The following FGF8 variants were observed in gnomAD, a reference collection of about 807,000 sequenced individuals.
FGF8 encodes androgen-induced growth factor.
A neutral mutation model predicts 29.7 loss-of-function variants in FGF8; 12 were observed. The ratio of observed to expected loss-of-function variants is 0.40; its 90% CI spans 0.26 to 0.65. The LOEUF is 0.65. Ranked by LOEUF, FGF8 falls within the 30% of genes least tolerant of loss-of-function variation. The pLI is 0.37. For synonymous variants in FGF8, 157 were observed against 144.4 expected, an observed-to-expected ratio of 1.09 and a Z score of -0.63; for missense variants, 271 against 345.1, an observed-to-expected ratio of 0.79 and a Z score of 1.70.
chr10:101,772,622 C>T lies in FGF8; in HGVS notation c.338-1053G>A, dbSNP rs890549014. Reference sequence around the variant, plus strand: ...TGCCGTCCCTGCCGCAGAGCCCAGCCTCTCCCCTCCCTGAGAAAGCAGTTC... The same window carrying T: ...TGCCGTCCCTGCCGCAGAGCCCAGCTTCTCCCCTCCCTGAGAAAGCAGTTC... On this transcript the variant is annotated intron_variant, in intron 4 of 5. Coordinates refer to ENST00000320185, the MANE Select transcript of FGF8 (RefSeq NM_033163.5). The surrounding 1 kb of genome is among the most constrained non-coding windows in gnomAD (Gnocchi z 4.4). Among the ~76,000 whole-genome samples, 1 of 152,210 alleles carries T rather than the reference C, an allele frequency of 6.6e-6. No homozygotes were observed. The highest frequency in any genetic ancestry group is 1.5e-5 in the Non-Finnish European group (1 of 68,038).
At chr10:101,776,192 G>A (rs1214747182), upstream of FGF8, 3 of 119,644 alleles carry the variant, frequency 2.5e-5, no homozygotes, top group African/African-American at 9.5e-5. Flanking sequence ...GAGGGGTGGG[G>A]GCGGGGGGCG....
chr10:101,773,654 G>A (rs1202389938), intron 4 of FGF8, among the ~76,000 whole-genome samples: 3 of 152,258 alleles, frequency 2.0e-5, no homozygotes, highest in Non-Finnish European at 2.9e-5. Flanking sequence ...CAGCTACGTC[G>A]ATGCAGAAAA....
In FGF8 at chr10:101,775,571, C is replaced by G; in HGVS notation, c.69+169G>C. The stretch of plus-strand genomic sequence containing the variant: ...TGTGTGACCTCAGGAGGGGTGCTAC[C>G]TCTCTGTGCCTCAGCTCCCTCCTCG... On this transcript the variant is annotated intron_variant, in intron 2 of 5. Transcript: ENST00000320185. The surrounding 1 kb of genome is among the most constrained non-coding windows in gnomAD (Gnocchi z 4.6). 1 of 704,958 alleles carries G rather than the reference C, an allele frequency of 1.4e-6. No individual in the cohort carries two copies. The highest frequency in any genetic ancestry group is 1.8e-5 in the South Asian group (1 of 54,634). 43.7% of individuals were successfully genotyped at this position (704,958 alleles called of 1,614,324 possible).
chr10:101,771,522 G>A lies in FGF8; in HGVS notation c.385C>T (p.Arg129Ter), dbSNP rs876661330. The change falls in exon 5 of 6, where the codon CGA (arginine) becomes TGA (stop). Residue 129 changes from arginine (R) to a stop codon, truncating the protein, a stop_gained. Transcript: ENST00000320185. LOFTEE classifies it high-confidence loss of function. This position sits in a 1 kb window ranked among gnomAD's most constrained non-coding sequence, Gnocchi z 5.3. Reference sequence around the variant, plus strand: ...ATGTAGAGGCCCGTCTCGGCTCCTCGGACTCGAACTCTGCTTCCAAAGGTG... The same window carrying A: ...ATGTAGAGGCCCGTCTCGGCTCCTCAGACTCGAACTCTGCTTCCAAAGGTG... Reference protein sequence around the residue: ...TDTFGSRVRVRGAETGLYICM... With the variant: ...TDTFGSRVRV The A allele has an allele frequency of 6.2e-7, 1 of 1,614,156 alleles. No homozygotes were observed. The highest frequency in any genetic ancestry group is 1.7e-5 in the Admixed American group (1 of 60,024).
intron 4 of FGF8, among the ~76,000 whole-genome samples, chr10:101,774,238 G>A (rs1472984433): frequency 6.6e-6 from 1 of 152,214 alleles, no homozygotes; most frequent in African/African-American, 2.4e-5. Flanking sequence ...CCCAGGGAAT[G>A]GAGCAGGGAG....
rs1361690273 is a variant in FGF8, at chr10:101,774,908, G to A, written c.161C>T (p.Thr54Ile). 4 of 1,613,792 alleles carry A rather than the reference G, an allele frequency of 2.5e-6. No homozygotes were observed. The highest frequency in any genetic ancestry group is 8.5e-7 in the Non-Finnish European group (1 of 1,179,962). The change falls in exon 4 of 6, where the codon ACT becomes ATT. Residue 54 changes from threonine (T) to isoleucine (I), a missense_variant. By Grantham distance (89) the Thr-to-Ile change is moderately conservative (BLOSUM62 -1). Coordinates refer to ENST00000320185, the MANE Select transcript of FGF8 (RefSeq NM_033163.5). ...TGTAAAATTAGGTGAGGACTGAACA[G>A]TTACCTTTAGGAAATTGAAAAATAC... is the stretch of plus-strand genomic sequence containing the variant. ...REPQGVSQQV[T>I]VQSSPNFTQH...
intron 5 of FGF8, among the ~76,000 whole-genome samples, chr10:101,770,829 T>C (rs968052020): frequency 7.9e-5 from 12 of 152,140 alleles, no homozygotes; most frequent in Admixed American, 4.6e-4. Flanking sequence ...CAGTGACACA[T>C]GGTTGTCTAC....
At chr10:101,778,223 G>A (rs541167566), upstream of FGF8, among the ~76,000 whole-genome samples, 3 of 152,382 alleles carry the variant, frequency 2.0e-5, no homozygotes, top group East Asian at 5.8e-4. Context: ...CTTCCTGTAA[G>A]AAATGGGCTT....
Position 101,775,793 on chromosome 10 carries a change from C to T in FGF8, c.33-17G>A. ...TGCAACAGCCTGTGGGAGACAAAAG[C>T]GGGCGGGAGAGAGAGGCGCGGGTGA... On this transcript the variant is annotated splice_polypyrimidine_tract_variant and intron_variant, in intron 1 of 5. Coordinates refer to ENST00000320185, the MANE Select transcript of FGF8 (RefSeq NM_033163.5). The surrounding 1 kb of genome is among the most constrained non-coding windows in gnomAD (Gnocchi z 4.6). 1.9e-6 allele frequency: 3 copies of T among 1,540,894 alleles called. No homozygotes were observed. Among genetic ancestry groups the T allele is most frequent in the Non-Finnish European group, 2.6e-6 (3 of 1,144,230 alleles).
upstream of FGF8, among the ~76,000 whole-genome samples, chr10:101,777,648 A>G (rs979796431): frequency 6.6e-6 from 1 of 152,260 alleles, no homozygotes; most frequent in Admixed American, 6.5e-5. Flanking sequence ...GAGTCTGTTC[A>G]GTGGGCTCTT....
At chr10:101,778,916 G>A (rs2065118101), upstream of FGF8, among the ~76,000 whole-genome samples, 1 of 152,120 alleles carries the variant, frequency 6.6e-6, no homozygotes, top group Admixed American at 6.6e-5. Flanking sequence ...GAGCTCCCTG[G>A]CCCAGATGAG....
rs1304891531 is a variant in FGF8, at chr10:101,775,301, T to A, written c.70-85A>T. On this transcript the variant is annotated intron_variant, in intron 2 of 5. Transcript: ENST00000320185. The surrounding 1 kb of genome is among the most constrained non-coding windows in gnomAD (Gnocchi z 4.6). ...AAAGACAAATTTACGGAGCAAATGT[T>A]GAGAGTGCAGGGAACCTGGGCACCC... The A allele has an allele frequency of 9.8e-7, 1 of 1,017,998 alleles. No individual in the cohort carries two copies. Among genetic ancestry groups the A allele is most frequent in the Non-Finnish European group, 1.5e-6 (1 of 674,856 alleles). 63.1% of individuals were successfully genotyped at this position (1,017,998 alleles called of 1,614,324 possible).
chr10:101,777,163 G>A (rs536744386), upstream of FGF8, among the ~76,000 whole-genome samples: 1 of 152,296 alleles, frequency 6.6e-6, no homozygotes, highest in East Asian at 1.9e-4. Flanking sequence ...GAGAAGGTAG[G>A]CACTTGTCTA....
intron 5 of FGF8, among the ~76,000 whole-genome samples, chr10:101,770,828 A>G (rs1258571101): frequency 6.6e-6 from 1 of 152,164 alleles, no homozygotes; most frequent in Admixed American, 6.5e-5. Context: ...GCAGTGACAC[A>G]TGGTTGTCTA....
Position 101,770,247 on chromosome 10 carries a change from C to G in FGF8, c.*82G>C. On this transcript the variant is annotated 3_prime_UTR_variant, in exon 6 of 6. Coordinates refer to ENST00000320185, the MANE Select transcript of FGF8 (RefSeq NM_033163.5). ...CCTCCCCAGCCTGCAGAGCAGCGCA[C>G]AGCTCATCTTGCTTGAGTTTTGGGT... 7.3e-7 allele frequency: 1 copy of G among 1,375,218 alleles called. No homozygotes were observed. The highest frequency in any genetic ancestry group is 9.9e-7 in the Non-Finnish European group (1 of 1,012,198). The allele number at this position is 1,375,218 out of a possible 1,614,324, so 85.2% of individuals were successfully genotyped here. A position where few individuals can be genotyped will look rare whatever the true frequency, so the allele number is the denominator to read the frequency against.
rs2065079637 is a variant in FGF8, at chr10:101,775,710, C to G, written c.69+30G>C. ...CACCCGGGTCTCACACCGGCGCGCC[C>G]GGCCCCCGCCTCCGCGCACCCCTCC... On this transcript the variant is annotated intron_variant, in intron 2 of 5. Coordinates refer to ENST00000320185, the MANE Select transcript of FGF8 (RefSeq NM_033163.5). This position sits in a 1 kb window ranked among gnomAD's most constrained non-coding sequence, Gnocchi z 4.6. The G allele has an allele frequency of 1.3e-6, 2 of 1,540,784 alleles. No individual in the cohort carries two copies. The highest frequency in any genetic ancestry group is 1.7e-6 in the Non-Finnish European group (2 of 1,144,536).
upstream of FGF8, chr10:101,776,213 C>T (rs1327805564): frequency 1.5e-5 from 1 of 66,422 alleles, no homozygotes; most frequent in Non-Finnish European, 2.9e-5. Flanking sequence ...CCGCACCGGG[C>T]GCGAGGGGGG....
At position 101,772,247 on chromosome 10, in the gene FGF8, C is replaced by T. The variant is rs186067445; in HGVS notation, c.338-678G>A. Among the ~76,000 whole-genome samples, 2 of 152,362 alleles carry T rather than the reference C, an allele frequency of 1.3e-5. No individual in the cohort carries two copies. The highest frequency in any genetic ancestry group is 6.5e-5 in the Admixed American group (1 of 15,308). ...CCTGCCAGGAGGATCCTGCCTCTTC[C>T]CTGTGGCTTCCCAGTCACCAGGGTC... is the stretch of plus-strand genomic sequence containing the variant. On this transcript the variant is annotated intron_variant, in intron 4 of 5. Coordinates refer to ENST00000320185, the MANE Select transcript of FGF8 (RefSeq NM_033163.5). This position sits in a 1 kb window ranked among gnomAD's most constrained non-coding sequence, Gnocchi z 4.4.
chr10:101,775,033 TC>T lies in FGF8; in HGVS notation c.156+96del. 1.3e-6 allele frequency: 2 copies of T among 1,493,356 alleles called. No homozygotes were observed. The highest frequency in any genetic ancestry group is 3.9e-5 in the Admixed American group (2 of 51,598). 92.5% of individuals were successfully genotyped at this position (1,493,356 alleles called of 1,614,324 possible). On this transcript the variant is annotated intron_variant, in intron 3 of 5. Transcript: ENST00000320185. This position sits in a 1 kb window ranked among gnomAD's most constrained non-coding sequence, Gnocchi z 4.6. ...CAAGCCGCCAGCAGGTGCTGGGGGT[TC>T]CCCCAACATGCCAGCCCAGGCCACC...
Sources: allele counts gnomAD v4.1 joint callset (sites outside exome capture counted in the v4.1 genomes callset), GRCh38; gene constraint gnomAD v4.1.1; non-coding constraint Gnocchi (gnomAD v3.1); transcripts MANE v1.5; gene names NCBI Gene and HGNC (gene_info 2026-07-23, HGNC 2026-07-21).